Variants in SFMBT2 observed in about 807,000 individuals in gnomAD.
SFMBT2 encodes Scm like with four mbt domains 2, also known as scm-like with four MBT domains protein 2.
SFMBT2 carries 38 observed loss-of-function variants against 110.1 expected under a neutral mutation model. That is an observed-to-expected ratio of 0.35 (90% CI 0.27 to 0.45). The LOEUF is 0.45. Among genes scored for constraint, SFMBT2 ranks in the 20% least tolerant of loss-of-function variants. SFMBT2 has a pLI of 1.00. For missense variants in SFMBT2, 1,011 were observed against 1,094.9 expected, an observed-to-expected ratio of 0.92 and a Z score of 1.08; for synonymous variants, 425 against 425.4, an observed-to-expected ratio of 1.00 and a Z score of 0.01.
intron 10 of SFMBT2, among the ~76,000 whole-genome samples, chr10:7,227,100 T>C (rs1285655012): frequency 6.6e-6 from 1 of 152,248 alleles, no homozygotes; most frequent in Admixed American, 6.5e-5. Flanking sequence ...CCTATTATTA[T>C]GTTCCAATTA....
chr10:7,381,662 T>TA, intron 2 of SFMBT2, 137 bp downstream of exon 2: 1 of 914,644 alleles, frequency 1.1e-6, no homozygotes, highest in East Asian at 2.7e-5. Flanking sequence ...CATATCCTTA[T>TA]AAATAGGACT....
chr10:7,333,014 ACAC>A (rs1408270096), intron 4 of SFMBT2, among the ~76,000 whole-genome samples: 3 of 152,004 alleles, frequency 2.0e-5, no homozygotes, highest in African/African-American at 7.2e-5. Context: ...TTACAGGCGC[ACAC>A]CACCACGCCC....
At chr10:7,374,015 C>A (rs780132488) in intron 2 of SFMBT2, among the ~76,000 whole-genome samples, 13 of 152,140 alleles carry the variant, frequency 8.5e-5, no homozygotes, top group Non-Finnish European at 1.9e-4. Flanking sequence ...GTAATCCCAG[C>A]ACTTTGGGAG....
intron 4 of SFMBT2, among the ~76,000 whole-genome samples, chr10:7,359,589 G>A (rs557690056): frequency 1.3e-5 from 2 of 152,310 alleles, no homozygotes; most frequent in South Asian, 2.1e-4. Context: ...AAACCTTCTA[G>A]TCACTGCTTC....
At chr10:7,197,500 T>G (rs752392626) in intron 15 of SFMBT2, 48 bp downstream of exon 15, 1 of 1,593,126 alleles carries the variant, frequency 6.3e-7, no homozygotes, top group Non-Finnish European at 8.6e-7. Context: ...CACAGCTTTT[T>G]AAAAAATCCT....
chr10:7,318,129 T>C (rs1279360659), intron 4 of SFMBT2, among the ~76,000 whole-genome samples: 2 of 152,256 alleles, frequency 1.3e-5, no homozygotes, highest in Non-Finnish European at 2.9e-5. Flanking sequence ...CATGAAATTC[T>C]GGCTAATGCT....
chr10:7,319,682 AAGACTGAG>A (rs1461257605), intron 4 of SFMBT2, among the ~76,000 whole-genome samples: 1 of 146,092 alleles, frequency 6.8e-6, no homozygotes, highest in African/African-American at 2.5e-5. Context: ...GAGAGAGACA[AAGACTGAG>A]AGACTGAGAG....
chr10:7,277,935 CT>C (rs1313817985), intron 6 of SFMBT2, among the ~76,000 whole-genome samples: 1 of 152,196 alleles, frequency 6.6e-6, no homozygotes, highest in Non-Finnish European at 1.5e-5. Context: ...ATCCTCATAG[CT>C]TTTGAACTCA....
intron 4 of SFMBT2, among the ~76,000 whole-genome samples, chr10:7,302,812 T>C (rs1842589387): frequency 6.6e-6 from 1 of 152,182 alleles, no homozygotes; most frequent in South Asian, 2.1e-4. Context: ...TAAGCACCAG[T>C]AGGAATGAAA....
At chr10:7,208,321 A>G (rs1998594) in intron 11 of SFMBT2, among the ~76,000 whole-genome samples, 9,311 of 152,280 alleles carry the variant, frequency 0.061, 385 homozygotes, top group Non-Finnish European at 0.087. Flanking sequence ...ACATTTTGCT[A>G]ACAGGTTAGA....
At chr10:7,174,908 TG>T (rs1238509378) in intron 17 of SFMBT2, among the ~76,000 whole-genome samples, 1 of 152,228 alleles carries the variant, frequency 6.6e-6, no homozygotes. Flanking sequence ...AGGGCACAGC[TG>T]GCCTCCATCA....
At chr10:7,315,062 A>G (rs1027594088) in intron 4 of SFMBT2, among the ~76,000 whole-genome samples, 1 of 139,870 alleles carries the variant, frequency 7.1e-6, no homozygotes, top group Non-Finnish European at 1.6e-5. Flanking sequence ...GAAAGAAAGA[A>G]AGAAAGAAAG....
intron 1 of SFMBT2, among the ~76,000 whole-genome samples, chr10:7,396,128 G>A (rs142983423): frequency 6.6e-6 from 1 of 152,158 alleles, no homozygotes; most frequent in Non-Finnish European, 1.5e-5. Context: ...CCAGCTACTA[G>A]GGAGGCTGGA....
Position 7,293,706 on chromosome 10 carries a change from T to TTC in SFMBT2, c.437-7754_437-7753dup, listed in dbSNP as rs566206725. ...AGTCAAAGTTCCTCTCTCTTTCTCTTTCTCTCTCTCTCTTTCTCTCCCTCT... is the reference window on the plus strand; with the variant it reads ...AGTCAAAGTTCCTCTCTCTTTCTCTTTCTCTCTCTCTCTCTTTCTCTCCCTCT... On this transcript the variant is annotated intron_variant, in intron 4 of 20. Coordinates refer to ENST00000397167, the MANE Select transcript of SFMBT2 (RefSeq NM_001387889.1). This position sits in a 1 kb window ranked among gnomAD's most constrained non-coding sequence, Gnocchi z 4.6. Among the ~76,000 whole-genome samples the TTC allele has an allele frequency of 1.3e-5, 2 of 151,744 alleles. No individual in the cohort carries two copies. Among genetic ancestry groups the TTC allele is most frequent in the African/African-American group, 4.8e-5 (2 of 41,294 alleles).
intron 15 of SFMBT2, among the ~76,000 whole-genome samples, chr10:7,190,748 G>A (rs1208914345): frequency 6.6e-6 from 1 of 152,224 alleles, no homozygotes; most frequent in East Asian, 1.9e-4. Context: ...GAGGGTAGCA[G>A]GGAGCCTGCC....
At chr10:7,380,548 C>T (rs1342207215) in intron 2 of SFMBT2, among the ~76,000 whole-genome samples, 1 of 152,174 alleles carries the variant, frequency 6.6e-6, no homozygotes, top group East Asian at 1.9e-4. Context: ...GACCTGCTAA[C>T]TTAATGCGCA....
chr10:7,377,234 G>A (rs1400848410), intron 2 of SFMBT2, among the ~76,000 whole-genome samples: 9 of 147,650 alleles, frequency 6.1e-5, no homozygotes, highest in South Asian at 2.2e-4. Flanking sequence ...TCCTTTCTTC[G>A]ATCCCATAAT....
At chr10:7,361,040 G>T (rs989936607) in intron 4 of SFMBT2, among the ~76,000 whole-genome samples, 3 of 152,126 alleles carry the variant, frequency 2.0e-5, no homozygotes, top group Admixed American at 6.5e-5. Context: ...AGACATACTT[G>T]TCAAATAATC....
chr10:7,318,450 T>C (rs183121698), intron 4 of SFMBT2, among the ~76,000 whole-genome samples: 1 of 152,242 alleles, frequency 6.6e-6, no homozygotes, highest in South Asian at 2.1e-4. Context: ...TAGAAATACA[T>C]GACCTGAATT....
Sources: gnomAD v4.1 joint callset for allele counts (sites outside exome capture counted in the v4.1 genomes callset) on GRCh38, gnomAD v4.1.1 for gene constraint, Gnocchi (gnomAD v3.1) non-coding constraint, MANE v1.5 for transcripts, NCBI Gene and HGNC (gene_info 2026-07-23, HGNC 2026-07-21) for gene names.